The following KCNJ10 variants were observed in gnomAD, a reference collection of about 807,000 sequenced individuals.
KCNJ10 encodes the protein ATP-sensitive inward rectifier potassium channel 10.
A neutral mutation model predicts 22.2 loss-of-function variants in KCNJ10; 9 were observed. The ratio of observed to expected loss-of-function variants is 0.40; its 90% CI spans 0.24 to 0.71. KCNJ10 has a LOEUF of 0.71. KCNJ10 is among the 30% of genes least tolerant of loss of function. KCNJ10 has a pLI of 0.35. For synonymous variants in KCNJ10, 184 were observed against 187.3 expected (o/e 0.98, Z 0.15); for missense variants, 337 against 482.7 (o/e 0.70, Z 2.83).
At chr1:160,054,866 G>C (rs147214504) in intron 1 of KCNJ10, among the ~76,000 whole-genome samples, 1 of 152,190 alleles carries the variant, frequency 6.6e-6, no homozygotes, top group Non-Finnish European at 1.5e-5. Context: ...TCTGCAGAGG[G>C]GGCTGACCAG....
intron 1 of KCNJ10, among the ~76,000 whole-genome samples, chr1:160,050,795 C>G (rs947161143): frequency 3.3e-5 from 5 of 152,204 alleles, no homozygotes; most frequent in African/African-American, 1.2e-4. Flanking sequence ...GCTGTGACCC[C>G]TCAACACCCT....
intron 1 of KCNJ10, among the ~76,000 whole-genome samples, chr1:160,048,739 G>A (rs903040476): frequency 2.0e-5 from 3 of 152,204 alleles, no homozygotes; most frequent in East Asian, 1.9e-4. Flanking sequence ...TCAAAGCCAG[G>A]ATCATCTCAA....
intron 1 of KCNJ10, among the ~76,000 whole-genome samples, chr1:160,055,851 A>G (rs1429434656): frequency 6.6e-6 from 1 of 152,082 alleles, no homozygotes; most frequent in Non-Finnish European, 1.5e-5. Context: ...ACTGTACTCC[A>G]TCTTCCTCAA....
Position 160,068,865 on chromosome 1 carries a change from G to A in KCNJ10, c.-1+1157C>T, listed in dbSNP as rs796817676. 1.7e-4 allele frequency among the ~76,000 whole-genome samples: 26 copies of A among 152,286 alleles called. No homozygotes were observed. The Middle Eastern group carries it at 0.014, about 80-fold the overall frequency. ...GGCTAATTTCATGACAACCACTCCA[G>A]GCCCTCCTCAGCACCCTTAAACAAG... On this transcript the variant is annotated intron_variant, in intron 1 of 1. Coordinates refer to ENST00000644903, the MANE Select transcript of KCNJ10 (RefSeq NM_002241.5).
At chr1:160,065,047 C>T (rs1335519385) in intron 1 of KCNJ10, 1 of 151,964 alleles carries the variant, frequency 6.6e-6, no homozygotes, top group Non-Finnish European at 1.5e-5. Context: ...GGGAGAAAGG[C>T]TCTCTGGGGC....
chr1:160,055,290 A>T (rs1447007124), intron 1 of KCNJ10, among the ~76,000 whole-genome samples: 1 of 152,098 alleles, frequency 6.6e-6, no homozygotes, highest in South Asian at 2.1e-4. Context: ...CAGCCAGTCT[A>T]GGGGGGGCAG....
chr1:160,060,687 G>A (rs933748476), intron 1 of KCNJ10, among the ~76,000 whole-genome samples: 1 of 152,166 alleles, frequency 6.6e-6, no homozygotes, highest in African/African-American at 2.4e-5. Flanking sequence ...CAGCCCTCAA[G>A]TCTCTGGGAT....
intron 1 of KCNJ10, among the ~76,000 whole-genome samples, chr1:160,049,677 A>ATATATATATATATATT (rs1648837589): frequency 3.2e-5 from 1 of 31,608 alleles, no homozygotes; most frequent in Non-Finnish European, 5.7e-5. Flanking sequence ...TTATTTATTT[A>ATATATATATATATATT]TATATATATA....
intron 1 of KCNJ10, among the ~76,000 whole-genome samples, chr1:160,042,950 AGT>A (rs1228052648): frequency 6.6e-6 from 1 of 150,818 alleles, no homozygotes; most frequent in South Asian, 2.1e-4. Context: ...AAAAAAAAAA[AGT>A]AAATAAAATA....
intron 1 of KCNJ10, among the ~76,000 whole-genome samples, chr1:160,064,326 T>C (rs1047118356): frequency 1.8e-4 from 28 of 152,206 alleles, no homozygotes; most frequent in Admixed American, 1.3e-3. Flanking sequence ...TCAGTAGAGT[T>C]TTCCAGAAGG....
chr1:160,048,681 G>T (rs138434793), intron 1 of KCNJ10, among the ~76,000 whole-genome samples: 43 of 152,214 alleles, frequency 2.8e-4, no homozygotes, highest in African/African-American at 9.6e-4. Context: ...GCTCTATTTT[G>T]GTTCCTAAAA....
In KCNJ10 at chr1:160,042,251, C is replaced by T. The variant is rs1436802011; in HGVS notation, c.282G>A (p.Gly94=). The T allele has an allele frequency of 3.1e-6, 5 of 1,613,958 alleles. No homozygotes were observed. The highest frequency in any genetic ancestry group is 4.2e-6 in the Non-Finnish European group (5 of 1,179,956). The change falls in exon 2 of 2, where the codon GGG becomes GGA. Residue 94 remains glycine, a synonymous_variant. Coordinates refer to ENST00000644903, the MANE Select transcript of KCNJ10 (RefSeq NM_002241.5). Reference sequence around the variant, plus strand: ...CCGGGGGGTCCAGCTCCAGCAGGTCCCCATGTGCCACAGCTACCAGATACC... The same window carrying T: ...CCGGGGGGTCCAGCTCCAGCAGGTCTCCATGTGCCACAGCTACCAGATACC... ...VVWYLVAVAH[G]DLLELDPPAN...
At chr1:160,059,542 C>T (rs1440870791) in intron 1 of KCNJ10, among the ~76,000 whole-genome samples, 1 of 152,188 alleles carries the variant, frequency 6.6e-6, no homozygotes, top group African/African-American at 2.4e-5. Flanking sequence ...CAACCACAGC[C>T]ACAGCCACAG....
chr1:160,069,128 C>G (rs1287820708), intron 1 of KCNJ10, among the ~76,000 whole-genome samples: 1 of 152,220 alleles, frequency 6.6e-6, no homozygotes, highest in Non-Finnish European at 1.5e-5. Context: ...CTGCCTGGGG[C>G]ACTCACTGGA....
rs1006896104 is a variant in KCNJ10, at chr1:160,040,613, G to A, written c.*780C>T. ...CTTCTCTGGGCTGCCTGGAAGATAGGTTTAAAGGTTTAGATAACAACTTGT... is the reference window on the plus strand; with the variant it reads ...CTTCTCTGGGCTGCCTGGAAGATAGATTTAAAGGTTTAGATAACAACTTGT... On this transcript the variant is annotated 3_prime_UTR_variant, in exon 2 of 2. Transcript: ENST00000644903. 13 of 398,704 alleles carry A rather than the reference G, an allele frequency of 3.3e-5. No individual in the cohort carries two copies. In the Admixed American group the frequency reaches 5.3e-4, roughly 16 times the overall value. The allele number at this position is 398,704 out of a possible 1,614,324, so 24.7% of individuals were successfully genotyped here.
At position 160,042,342 on chromosome 1, in the gene KCNJ10, C is replaced by T; in HGVS notation, c.191G>A (p.Trp64Ter). 6.2e-7 allele frequency: 1 copy of T among 1,612,974 alleles called. No homozygotes were observed. The highest frequency in any genetic ancestry group is 8.5e-7 in the Non-Finnish European group (1 of 1,178,938). The part of the protein sequence containing the change: ...DLWTTFIDMQ[W>*]RYKLLLFSAT... ...AGAGAAGAGCAGAAGCTTGTAGCGC[C>T]ACTGCATGTCAATGAAGGTTGTCCA... The change falls in exon 2 of 2, where the codon TGG (tryptophan) becomes TAG (stop). Residue 64 changes from tryptophan to a stop codon, truncating the protein, a stop_gained. Transcript: ENST00000644903. LOFTEE classifies it high-confidence loss of function.
At chr1:160,043,304 CACACACACACAA>C (rs1385750514) in intron 1 of KCNJ10, among the ~76,000 whole-genome samples, 44 of 150,428 alleles carry the variant, frequency 2.9e-4, no homozygotes, top group Middle Eastern at 3.4e-3. Flanking sequence ...CACACACACA[CACACACACACAA>C]CCTTAATTTC....
At chr1:160,050,982 T>C (rs954688715) in intron 1 of KCNJ10, among the ~76,000 whole-genome samples, 3 of 151,994 alleles carry the variant, frequency 2.0e-5, no homozygotes, top group Non-Finnish European at 2.9e-5. Flanking sequence ...TCTCACTCTG[T>C]CTCCAGGCTG....
rs1014183129 is a variant in KCNJ10, at chr1:160,038,663, C to A, written c.*2730G>T. On this transcript the variant is annotated 3_prime_UTR_variant, in exon 2 of 2. Transcript: ENST00000644903. ...TCAATATATTTGGGCATATATACATCTATATACATCTTTCTATATATATAT... is the reference window on the plus strand; with the variant it reads ...TCAATATATTTGGGCATATATACATATATATACATCTTTCTATATATATAT... The A allele has an allele frequency of 1.3e-5, 2 of 152,158 alleles. No individual in the cohort carries two copies. The highest frequency in any genetic ancestry group is 4.8e-5 in the African/African-American group (2 of 41,432). 9.4% of individuals were successfully genotyped at this position (152,158 alleles called of 1,614,324 possible).
Sources: gnomAD v4.1 joint callset for allele counts (sites outside exome capture counted in the v4.1 genomes callset) on GRCh38, gnomAD v4.1.1 for gene constraint, MANE v1.5 for transcripts, NCBI Gene and HGNC (gene_info 2026-07-23, HGNC 2026-07-21) for gene names.